The following OASL variants were observed in gnomAD, a reference collection of about 807,000 sequenced individuals.
OASL encodes the protein 2'-5'-oligoadenylate synthase-like protein.
Under a neutral mutation model 35.3 loss-of-function variants are expected in OASL, and 28 were observed. The observed-to-expected ratio is 0.79, with a 90% CI of 0.59 to 1.09. OASL has a LOEUF of 1.09. Among genes scored for constraint, OASL ranks in the 50% least tolerant of loss-of-function variants. The pLI, the probability that OASL is intolerant of heterozygous loss-of-function variation, is 0.00. For synonymous variants in OASL, 252 were observed against 254.6 expected, an observed-to-expected ratio of 0.99 and a Z score of 0.10; for missense variants, 620 against 635.2, an observed-to-expected ratio of 0.98 and a Z score of 0.26.
exon 6 of OASL, chr12:121,020,386 C>T (rs183448537): frequency 3.1e-6 from 2 of 649,464 alleles, no homozygotes; most frequent in East Asian, 2.8e-5. Context: ...CCTCCCACCT[C>T]GGCCTCCCAA....
chr12:121,033,216 G>T (rs144836150), intron 2 of OASL, among the ~76,000 whole-genome samples: 1 of 152,070 alleles, frequency 6.6e-6, no homozygotes, highest in African/African-American at 2.4e-5. Flanking sequence ...GAGCCACCGC[G>T]CCCAGGCTGC....
At chr12:121,023,008 G>C (rs1869311088) in intron 5 of OASL, among the ~76,000 whole-genome samples, 1 of 152,142 alleles carries the variant, frequency 6.6e-6, no homozygotes, top group Admixed American at 6.5e-5. Context: ...TTACTTTACA[G>C]AATTGCTTAT....
At chr12:121,033,479 G>T in exon 2 of OASL, 2 of 1,612,928 alleles carry the variant, frequency 1.2e-6, no homozygotes. Flanking sequence ...CTGTAGGCAG[G>T]CACAATGGTG....
intron 1 of OASL, among the ~76,000 whole-genome samples, chr12:121,037,598 C>A (rs1362636305): frequency 2.0e-5 from 3 of 150,170 alleles, no homozygotes; most frequent in Admixed American, 6.7e-5. Context: ...CACGGTGAAA[C>A]CCTGTCTCTA....
At chr12:121,028,205 A>G (rs1205304744) in intron 3 of OASL, among the ~76,000 whole-genome samples, 1 of 152,186 alleles carries the variant, frequency 6.6e-6, no homozygotes, top group Non-Finnish European at 1.5e-5. Context: ...AAAAATGGTA[A>G]TAGGTGAGAT....
At chr12:121,034,935 T>C (rs1181954711) in intron 1 of OASL, among the ~76,000 whole-genome samples, 1 of 152,096 alleles carries the variant, frequency 6.6e-6, no homozygotes, top group African/African-American at 2.4e-5. Flanking sequence ...GATTTTTCGA[T>C]GTTTTGAGAT....
At chr12:121,037,735 G>T (rs913054500) in intron 1 of OASL, among the ~76,000 whole-genome samples, 1 of 149,098 alleles carries the variant, frequency 6.7e-6, no homozygotes, top group Non-Finnish European at 1.5e-5. Flanking sequence ...TCGTGCCACT[G>T]CACTCCAGCC....
At chr12:121,020,843 G>T in exon 6 of OASL, 4 of 1,614,224 alleles carry the variant, frequency 2.5e-6, no homozygotes, top group Non-Finnish European at 3.4e-6. Flanking sequence ...AGATGTGAGT[G>T]TGGGAGAAGA....
At chr12:121,024,053 C>T in exon 5 of OASL, 1 of 1,614,172 alleles carries the variant, frequency 6.2e-7, no homozygotes, top group Non-Finnish European at 8.5e-7. Context: ...GTTTCAGGCA[C>T]TGGGAGGCCC....
chr12:121,034,576 C>T (rs899344773), intron 1 of OASL, among the ~76,000 whole-genome samples: 4 of 152,138 alleles, frequency 2.6e-5, no homozygotes, highest in Admixed American at 6.6e-5. Flanking sequence ...TGAATAATTT[C>T]ATGACATTAT....
intron 3 of OASL, among the ~76,000 whole-genome samples, chr12:121,030,209 T>A (rs533939560): frequency 3.2e-4 from 49 of 151,952 alleles, no homozygotes; most frequent in African/African-American, 1.2e-3. Flanking sequence ...CTGTTATATT[T>A]TATTTTATTT....
chr12:121,035,233 T>C (rs1869905442), intron 1 of OASL, among the ~76,000 whole-genome samples: 1 of 151,986 alleles, frequency 6.6e-6, no homozygotes, highest in Admixed American at 6.6e-5. Context: ...TTCCTTTTAA[T>C]CTTTACTTCC....
chr12:121,035,537 C>CAA (rs77750866), intron 1 of OASL, among the ~76,000 whole-genome samples: 16,377 of 150,136 alleles, frequency 0.11, 982 homozygotes, highest in Middle Eastern at 0.18. Flanking sequence ...CAAAACAAAA[C>CAA]AACAAAAAAA....
chr12:121,023,929 T>C (rs1156843190), intron 5 of OASL, 61 bp downstream of exon 5: 14 of 1,590,996 alleles, frequency 8.8e-6, no homozygotes, highest in Non-Finnish European at 1.2e-5. Flanking sequence ...GAGTAAATAC[T>C]GAGTAGTTTA....
At chr12:121,035,679 G>C (rs1219789520) in intron 1 of OASL, among the ~76,000 whole-genome samples, 1 of 152,196 alleles carries the variant, frequency 6.6e-6, no homozygotes, top group East Asian at 1.9e-4. Context: ...GAAAGAGCCA[G>C]AACTCAAGTA....
exon 6 of OASL, chr12:121,020,377 C>T (rs948725123): frequency 1.6e-6 from 1 of 609,254 alleles, no homozygotes. Context: ...TCAAGCGCTC[C>T]TCCCACCTCG....
chr12:121,026,263 T>C (rs1869479361), intron 4 of OASL, among the ~76,000 whole-genome samples: 1 of 152,192 alleles, frequency 6.6e-6, no homozygotes, highest in African/African-American at 2.4e-5. Context: ...AAATCCTCTT[T>C]TCATGAGCAG....
chr12:121,021,049 C>T, exon 6 of OASL: 1 of 1,580,114 alleles, frequency 6.3e-7, no homozygotes, highest in Non-Finnish European at 8.6e-7. Flanking sequence ...AAGTGGATGT[C>T]TCGTGCCCTC....
At chr12:121,034,633 T>C (rs1869879284) in intron 1 of OASL, among the ~76,000 whole-genome samples, 1 of 152,040 alleles carries the variant, frequency 6.6e-6, no homozygotes, top group Admixed American at 6.6e-5. Context: ...CCATAGGCTG[T>C]GAAATGGAGC....
Sources: allele counts gnomAD v4.1 joint callset (sites outside exome capture counted in the v4.1 genomes callset), GRCh38; gene constraint gnomAD v4.1.1; transcripts MANE v1.5; gene names NCBI Gene and HGNC (gene_info 2026-07-23, HGNC 2026-07-21).